The following USP33 variants were observed in gnomAD, a reference collection of about 807,000 sequenced individuals.
The protein encoded by USP33 is ubiquitin specific peptidase 33, also known as ubiquitin carboxyl-terminal hydrolase 33.
A neutral mutation model predicts 124.2 loss-of-function variants in USP33; 46 were observed. The ratio of observed to expected loss-of-function variants is 0.37; its 90% CI spans 0.29 to 0.47. The LOEUF (loss-of-function observed/expected upper bound fraction) is 0.47, where lower values mean the gene tolerates loss of function less well. Ranked by LOEUF, USP33 falls within the 20% of genes least tolerant of loss-of-function variation. The pLI is 0.99. For synonymous variants in USP33, 350 were observed against 352.3 expected, an observed-to-expected ratio of 0.99 and a Z score of 0.07; for missense variants, 851 against 1,070.6, an observed-to-expected ratio of 0.79 and a Z score of 2.86.
rs1411311833 is a variant in USP33, at chr1:77,717,854, C to T, written c.1918+13G>A. On this transcript the variant is annotated intron_variant, in intron 17 of 23. Coordinates refer to ENST00000370794, the MANE Select transcript of USP33 (RefSeq NM_201624.3). ...TTTAAATCTAGGAACAACTGTTAAA[C>T]CTATATACTTACTACTTGCAGTTCC... is the stretch of plus-strand genomic sequence containing the variant. The T allele has an allele frequency of 6.2e-7, 1 of 1,602,774 alleles. No homozygotes were observed. Among genetic ancestry groups the T allele is most frequent in the Non-Finnish European group, 8.5e-7 (1 of 1,175,332 alleles).
In USP33 at chr1:77,728,675, A is replaced by G; in HGVS notation, c.755T>C (p.Leu252Pro). The change falls in exon 10 of 24, where the codon CTT (leucine) becomes CCT (proline). Residue 252 changes from leucine to proline, a missense_variant. Coordinates refer to ENST00000370794, the MANE Select transcript of USP33 (RefSeq NM_201624.3). ...QEFLRCLMDLLHEELKEQVME... is the reference protein window; with the variant it reads ...QEFLRCLMDLPHEELKEQVME... ...GACTTGCTCTTTCAATTCTTCATGA[A>G]GCAAATCCATTAAACATCGAAGGAA... 1.2e-6 allele frequency: 2 copies of G among 1,613,630 alleles called. No homozygotes were observed. The highest frequency in any genetic ancestry group is 1.7e-6 in the Non-Finnish European group (2 of 1,179,908).
chr1:77,715,960 T>A, intron 17 of USP33, 92 bp from the exon 18 acceptor site: 1 of 1,280,110 alleles, frequency 7.8e-7, no homozygotes, highest in Non-Finnish European at 1.0e-6. Flanking sequence ...CCTAGCACAG[T>A]AGCTGGAATA....
intron 8 of USP33, 82 bp from the exon 9 acceptor site, chr1:77,730,020 T>C (rs1455737030): frequency 5.6e-6 from 7 of 1,261,084 alleles, no homozygotes; most frequent in East Asian, 2.5e-5. Context: ...TAATTCAAAG[T>C]GTTAAATAAA....
chr1:77,722,417 G>A (rs1020392052), intron 12 of USP33: 3 of 445,540 alleles, frequency 6.7e-6, no homozygotes, highest in Admixed American at 7.9e-5. Context: ...GTATCTTCAC[G>A]TAAGTCCTGT....
intron 22 of USP33, among the ~76,000 whole-genome samples, chr1:77,699,473 C>T (rs186199875): frequency 1.9e-4 from 29 of 152,166 alleles, no homozygotes; most frequent in African/African-American, 6.3e-4. Flanking sequence ...GCTGAGATCA[C>T]GCCACTCCAC....
chr1:77,740,904 T>C lies in USP33; in HGVS notation c.171A>G (p.Gln57=), dbSNP rs1174079474. The C allele has an allele frequency of 3.8e-6, 6 of 1,569,236 alleles. No homozygotes were observed. The highest frequency in any genetic ancestry group is 5.2e-6 in the Non-Finnish European group (6 of 1,154,354). Residue 57 remains glutamine, a synonymous_variant, in exon 4 of 24, where the codon CAA becomes CAG. Transcript: ENST00000370794. Reference sequence around the variant, plus strand: ...GAGAATGTATGGTGCTGTGATCTACTTGTGATTCACCACAGCCAACATATG... The same window carrying C: ...GAGAATGTATGGTGCTGTGATCTACCTGTGATTCACCACAGCCAACATATG... ...RCSYVGCGES[Q]VDHSTIHSQE...
At chr1:77,747,810 T>C (rs992923137) in intron 1 of USP33, among the ~76,000 whole-genome samples, 1 of 152,308 alleles carries the variant, frequency 6.6e-6, no homozygotes, top group East Asian at 1.9e-4. Context: ...AGGAACCCAA[T>C]TTTATTTTCT....
At position 77,721,790 on chromosome 1, in the gene USP33, T is replaced by C. The variant is rs764208663; in HGVS notation, c.1657+41A>G. ...TATTTAGTCCCACTAGTATTTTAGA[T>C]TTACCTACAAAAATTTAGCCATAGA... is the stretch of plus-strand genomic sequence containing the variant. On this transcript the variant is annotated intron_variant, in intron 14 of 23. Transcript: ENST00000370794. 3 of 1,551,040 alleles carry C rather than the reference T, an allele frequency of 1.9e-6. No homozygotes were observed. In the South Asian group the frequency reaches 3.6e-5, roughly 19 times the overall value.
chr1:77,732,655 C>T (rs543627087), intron 7 of USP33, among the ~76,000 whole-genome samples: 2 of 152,206 alleles, frequency 1.3e-5, no homozygotes, highest in African/African-American at 4.8e-5. Context: ...GATTTTCTTC[C>T]AGTTCCTCAA....
intron 15 of USP33, 41 bp from the exon 16 acceptor site, chr1:77,718,682 A>C: frequency 6.8e-7 from 1 of 1,477,614 alleles, no homozygotes; most frequent in Non-Finnish European, 9.3e-7. Flanking sequence ...CTACAAAAAA[A>C]CTTAGTATAT....
chr1:77,729,848 C>T lies in USP33; in HGVS notation c.717+12G>A, dbSNP rs1557846927. 1 of 1,609,152 alleles carries T rather than the reference C, an allele frequency of 6.2e-7. No homozygotes were observed. Among genetic ancestry groups the T allele is most frequent in the Non-Finnish European group, 8.5e-7 (1 of 1,178,184 alleles). On this transcript the variant is annotated intron_variant, in intron 9 of 23. Coordinates refer to ENST00000370794, the MANE Select transcript of USP33 (RefSeq NM_201624.3). ...TTAGATTAAAATTACAAATGAAAAG[C>T]AATAAACTAACCTGCTGAGAATACC...
intron 21 of USP33, among the ~76,000 whole-genome samples, chr1:77,704,048 G>C (rs181114659): frequency 1.3e-5 from 2 of 151,874 alleles, no homozygotes; most frequent in Admixed American, 1.3e-4. Flanking sequence ...GTGGGAGATC[G>C]AGGCTGCAGA....
intron 1 of USP33, among the ~76,000 whole-genome samples, chr1:77,751,576 G>A (rs530401816): frequency 6.6e-6 from 1 of 152,262 alleles, no homozygotes; most frequent in Non-Finnish European, 1.5e-5. Context: ...AGGATCACCT[G>A]AGCCCAGGAG....
rs1676603440 is a variant in USP33 at position 77,721,910 on chromosome 1, A to G, written c.1578T>C (p.Cys526=). The G allele has an allele frequency of 6.2e-7, 1 of 1,608,470 alleles. No individual in the cohort carries two copies. Among genetic ancestry groups the G allele is most frequent in the Non-Finnish European group, 8.5e-7 (1 of 1,178,688 alleles). ...CTGGACCCCAAAACCAGCTAGGGAC[A>G]CATGAGACAACAAACCTGAAACATC... ...MEYVKRFVVS[C]VPSWFWGPVV... Residue 526 remains cysteine, a synonymous_variant, in exon 14 of 24, where the codon TGT becomes TGC. Transcript: ENST00000370794.
At position 77,759,779 on chromosome 1, in the gene USP33, A is replaced by T. The variant is rs533489113; in HGVS notation, c.-188T>A. ...CAGGAGGGCCGGAAAACGGCCCCGC[A>T]GCGCTGCCCTCGGGGGGTCCGCCTC... is the stretch of plus-strand genomic sequence containing the variant. On this transcript the variant is annotated 5_prime_UTR_variant, in exon 1 of 24. Transcript: ENST00000370794. 5.0e-6 allele frequency: 2 copies of T among 397,882 alleles called. No homozygotes were observed. Among genetic ancestry groups the T allele is most frequent in the Non-Finnish European group, 8.9e-6 (2 of 225,538 alleles). The allele number at this position is 397,882 out of a possible 1,614,324, so 24.6% of individuals were successfully genotyped here.
At chr1:77,731,312 C>T (rs1460353977) in intron 7 of USP33, among the ~76,000 whole-genome samples, 2 of 152,168 alleles carry the variant, frequency 1.3e-5, no homozygotes, top group African/African-American at 4.8e-5. Context: ...CTTCCTCCAG[C>T]CTTCTACATT....
At chr1:77,720,700 T>A in intron 15 of USP33, 2 of 788,794 alleles carry the variant, frequency 2.5e-6, no homozygotes, top group Non-Finnish European at 3.1e-6. Flanking sequence ...ATTAAAAGTC[T>A]AAATTGATTA....
chr1:77,731,924 G>T (rs775220179), intron 7 of USP33, among the ~76,000 whole-genome samples: 1 of 151,818 alleles, frequency 6.6e-6, no homozygotes, highest in Non-Finnish European at 1.5e-5. Flanking sequence ...GCAACATAGC[G>T]AAAACCCATC....
At chr1:77,737,893 C>CT (rs778641442) in intron 5 of USP33, among the ~76,000 whole-genome samples, 3 of 152,162 alleles carry the variant, frequency 2.0e-5, no homozygotes, top group Non-Finnish European at 4.4e-5. Flanking sequence ...TAACATTACA[C>CT]TTTTTTCTTT....
Sources: gnomAD v4.1 joint callset for allele counts (sites outside exome capture counted in the v4.1 genomes callset) on GRCh38, gnomAD v4.1.1 for gene constraint, MANE v1.5 for transcripts, NCBI Gene and HGNC (gene_info 2026-07-23, HGNC 2026-07-21) for gene names.